DZIP1L: variants seen among roughly 807,000 people sequenced by gnomAD.
DZIP1L encodes the protein DAZ interacting zinc finger protein 1 like.
DZIP1L carries 90 observed loss-of-function variants against 88.7 expected under a neutral mutation model. That is an observed-to-expected ratio of 1.02 (90% CI 0.86 to 1.21). DZIP1L has a LOEUF of 1.21. Ranked by LOEUF, DZIP1L falls within the 50% of genes most tolerant of loss-of-function variation. The pLI is 0.00. For missense variants in DZIP1L, 932 were observed against 955.8 expected (o/e 0.98, Z 0.33); for synonymous variants, 363 against 372.1 (o/e 0.98, Z 0.28).
At chr3:138,096,760 G>A (rs1944487366) in intron 3 of DZIP1L, among the ~76,000 whole-genome samples, 1 of 152,154 alleles carries the variant, frequency 6.6e-6, no homozygotes, top group Admixed American at 6.5e-5. Flanking sequence ...ATAGTTTTAG[G>A]TAAGTGGTAC....
intron 4 of DZIP1L, among the ~76,000 whole-genome samples, chr3:138,094,638 C>G (rs926449026): frequency 3.3e-5 from 5 of 152,270 alleles, no homozygotes; most frequent in African/African-American, 1.2e-4. Flanking sequence ...GAAACTGCAT[C>G]TCTCTGCTCT....
chr3:138,081,057 G>A (rs192380122), intron 9 of DZIP1L, among the ~76,000 whole-genome samples: 67 of 152,250 alleles, frequency 4.4e-4, no homozygotes, highest in Non-Finnish European at 8.7e-4. Context: ...CTGGCTACAC[G>A]GCTGGGAAGG....
intron 11 of DZIP1L, among the ~76,000 whole-genome samples, chr3:138,074,325 T>G (rs1168967623): frequency 6.6e-6 from 1 of 152,188 alleles, no homozygotes; most frequent in African/African-American, 2.4e-5. Context: ...CCAGGTAACC[T>G]ATAAAGGAAC....
At position 138,062,912 on chromosome 3, in the gene DZIP1L, C is replaced by G; in HGVS notation, c.2208G>C (p.Gln736His). Residue 736 changes from glutamine (Q) to histidine (H), a missense_variant, in exon 16 of 16, where the codon CAG becomes CAC. Gln to His is a conservative substitution (Grantham distance 24). Coordinates refer to ENST00000327532, the MANE Select transcript of DZIP1L (RefSeq NM_173543.3). ...GAGACAAGGGCTTGGGTTTCTCTCT[C>G]TGGTCCAGGTCCAGAGGAAGATCTT... is the stretch of plus-strand genomic sequence containing the variant. The part of the protein sequence containing the change: ...SLEDLPLDLD[Q>H]REKPKPLSRS... The G allele has an allele frequency of 6.2e-7, 1 of 1,614,232 alleles. No individual in the cohort carries two copies. Among genetic ancestry groups the G allele is most frequent in the African/African-American group, 1.3e-5 (1 of 75,066 alleles).
chr3:138,065,342 A>G (rs916571738), intron 14 of DZIP1L, among the ~76,000 whole-genome samples: 2 of 152,244 alleles, frequency 1.3e-5, no homozygotes, highest in African/African-American at 4.8e-5. Flanking sequence ...TCAAGGTCTG[A>G]GCAGACTTTT....
intron 8 of DZIP1L, among the ~76,000 whole-genome samples, chr3:138,082,286 G>C (rs181349179): frequency 6.6e-6 from 1 of 152,204 alleles, no homozygotes; most frequent in South Asian, 2.1e-4. Context: ...AGGCAGGACA[G>C]CCACAGGTGA....
chr3:138,110,392 T>A (rs2042598418), intron 1 of DZIP1L, among the ~76,000 whole-genome samples: 1 of 152,092 alleles, frequency 6.6e-6, no homozygotes. Flanking sequence ...ATGGCACATG[T>A]ATACATAATG....
chr3:138,102,489 G>C, intron 2 of DZIP1L: 1 of 1,362,648 alleles, frequency 7.3e-7, no homozygotes. Context: ...GGTTGTTGAT[G>C]TAGCTCTGAA....
intron 6 of DZIP1L, among the ~76,000 whole-genome samples, chr3:138,087,530 G>C (rs944918868): frequency 1.5e-4 from 23 of 152,308 alleles, no homozygotes; most frequent in Admixed American, 1.4e-3. Context: ...ACAAAGGGCT[G>C]AGTTAATTTC....
chr3:138,098,756 CT>C (rs1367896543), intron 2 of DZIP1L, among the ~76,000 whole-genome samples: 1 of 152,146 alleles, frequency 6.6e-6, no homozygotes, highest in Non-Finnish European at 1.5e-5. Context: ...GGTTCTGACC[CT>C]TTTAATCATA....
At chr3:138,095,029 T>C (rs747826847) in intron 3 of DZIP1L, 46 bp from the exon 4 acceptor site, 1 of 1,612,986 alleles carries the variant, frequency 6.2e-7, no homozygotes, top group Non-Finnish European at 8.5e-7. Context: ...AGTCCAAAAA[T>C]CAAGGGAGTG....
intron 1 of DZIP1L, among the ~76,000 whole-genome samples, chr3:138,111,814 G>A (rs1198829336): frequency 2.0e-5 from 3 of 152,042 alleles, no homozygotes; most frequent in Non-Finnish European, 2.9e-5. Flanking sequence ...GGCCAACATG[G>A]TGAAACCCCG....
At chr3:138,086,207 T>G (rs1233110710) in intron 7 of DZIP1L, among the ~76,000 whole-genome samples, 1 of 150,852 alleles carries the variant, frequency 6.6e-6, no homozygotes, top group Non-Finnish European at 1.5e-5. Context: ...TGTATACATA[T>G]GTAACTAACC....
chr3:138,073,381 T>G (rs190126835), intron 11 of DZIP1L, among the ~76,000 whole-genome samples: 16 of 152,302 alleles, frequency 1.1e-4, no homozygotes, highest in Non-Finnish European at 1.6e-4. Context: ...GACCTGAAGA[T>G]GGATCACATC....
At chr3:138,107,621 T>G (rs1455852416) in intron 1 of DZIP1L, among the ~76,000 whole-genome samples, 5 of 152,222 alleles carry the variant, frequency 3.3e-5, no homozygotes. Context: ...TCTGAACCAC[T>G]CAACATTGAT....
intron 7 of DZIP1L, among the ~76,000 whole-genome samples, chr3:138,086,304 A>G (rs1335739583): frequency 1.3e-5 from 2 of 152,126 alleles, no homozygotes; most frequent in Non-Finnish European, 2.9e-5. Flanking sequence ...GATAAAATAA[A>G]ACCATCACAT....
At chr3:138,077,986 C>T (rs1395698642) in intron 10 of DZIP1L, among the ~76,000 whole-genome samples, 1 of 152,198 alleles carries the variant, frequency 6.6e-6, no homozygotes, top group African/African-American at 2.4e-5. Context: ...CTAACTTTAG[C>T]ATATATCAGA....
chr3:138,098,805 T>C (rs1944591916), intron 2 of DZIP1L, among the ~76,000 whole-genome samples: 1 of 152,220 alleles, frequency 6.6e-6, no homozygotes, highest in Admixed American at 6.5e-5. Context: ...TATCAATTAA[T>C]AATATATCAT....
intron 3 of DZIP1L, among the ~76,000 whole-genome samples, chr3:138,097,349 T>C (rs972046923): frequency 5.3e-5 from 8 of 152,218 alleles, no homozygotes; most frequent in Non-Finnish European, 1.2e-4. Flanking sequence ...CTGGTCTGAC[T>C]GCCCATTCAC....
Sources: gnomAD v4.1 joint callset for allele counts (sites outside exome capture counted in the v4.1 genomes callset) on GRCh38, gnomAD v4.1.1 for gene constraint, MANE v1.5 for transcripts, NCBI Gene and HGNC (gene_info 2026-07-23, HGNC 2026-07-21) for gene names.